The following SLC16A9 variants were observed in gnomAD, a reference collection of about 807,000 sequenced individuals.
SLC16A9 encodes solute carrier family 16 member 9, also known as monocarboxylate transporter 9.
SLC16A9 carries 26 observed loss-of-function variants against 44.3 expected under a neutral mutation model. The observed-to-expected ratio is 0.59, with a 90% CI of 0.43 to 0.81. SLC16A9 has a LOEUF of 0.81. Among genes scored for constraint, SLC16A9 ranks in the 40% least tolerant of loss-of-function variants. SLC16A9 has a pLI of 0.00. For synonymous variants in SLC16A9, 230 were observed against 225.1 expected (o/e 1.02, Z -0.19); for missense variants, 559 against 595.8 (o/e 0.94, Z 0.64).
intron 5 of SLC16A9, 148 bp downstream of exon 5, chr10:59,653,527 G>A (rs1839265837): frequency 7.2e-6 from 4 of 554,850 alleles, no homozygotes; most frequent in Admixed American, 3.5e-5. Flanking sequence ...TTATATCAAA[G>A]CAGTCTTGAA....
chr10:59,696,411 T>C (rs1840376195), intron 1 of SLC16A9, among the ~76,000 whole-genome samples: 1 of 152,224 alleles, frequency 6.6e-6, no homozygotes, highest in South Asian at 2.1e-4. Flanking sequence ...CAGTGCTCAA[T>C]GGTGCCCAGG....
chr10:59,672,375 G>A (rs1839769180), intron 3 of SLC16A9, among the ~76,000 whole-genome samples: 1 of 152,122 alleles, frequency 6.6e-6, no homozygotes, highest in African/African-American at 2.4e-5. Flanking sequence ...AGCTGTTTGT[G>A]AACACAAACA....
At chr10:59,708,156 G>C (rs933671163) in intron 1 of SLC16A9, among the ~76,000 whole-genome samples, 3 of 152,146 alleles carry the variant, frequency 2.0e-5, no homozygotes, top group Non-Finnish European at 4.4e-5. Flanking sequence ...GAGGGAGAGC[G>C]GGACTGGTTT....
chr10:59,704,070 C>T (rs760478164), intron 1 of SLC16A9, among the ~76,000 whole-genome samples: 1 of 152,168 alleles, frequency 6.6e-6, no homozygotes, highest in Non-Finnish European at 1.5e-5. Context: ...AAAATCTGAA[C>T]TTTAGGATTC....
intron 3 of SLC16A9, among the ~76,000 whole-genome samples, chr10:59,671,404 A>G (rs190966941): frequency 2.2e-4 from 33 of 152,352 alleles, no homozygotes; most frequent in East Asian, 1.9e-3. Context: ...GTAACTGTAC[A>G]CTGAGGAAAG....
intron 1 of SLC16A9, among the ~76,000 whole-genome samples, chr10:59,689,361 C>T (rs946119545): frequency 6.6e-6 from 1 of 152,134 alleles, no homozygotes; most frequent in African/African-American, 2.4e-5. Flanking sequence ...TAATGGTGCT[C>T]AACTTCCTTT....
intron 1 of SLC16A9, among the ~76,000 whole-genome samples, chr10:59,690,386 A>G (rs1840227088): frequency 6.6e-6 from 1 of 152,186 alleles, no homozygotes; most frequent in South Asian, 2.1e-4. Flanking sequence ...AGGTATGTGC[A>G]AAAGAGTACG....
chr10:59,654,466 A>G lies in SLC16A9; in HGVS notation c.560T>C (p.Leu187Pro), dbSNP rs1433481802. Residue 187 changes from leucine (L) to proline (P), a missense_variant, in exon 5 of 6, where the codon CTG becomes CCG. Physicochemically the swap from Leu to Pro is moderately conservative, Grantham distance 98 (BLOSUM62 -3). Transcript: ENST00000395348. ...LALNILACGS[L>P]MRPLQSSDCP... Reference sequence around the variant, plus strand: ...ATCAGAAGATTGGAGGGGTCTCATCAGACTGCCACAGGCTAATATATTTAA... The same window carrying G: ...ATCAGAAGATTGGAGGGGTCTCATCGGACTGCCACAGGCTAATATATTTAA... 1 of 1,613,148 alleles carries G rather than the reference A, an allele frequency of 6.2e-7. No homozygotes were observed. The highest frequency in any genetic ancestry group is 8.5e-7 in the Non-Finnish European group (1 of 1,180,036).
Position 59,698,650 on chromosome 10 carries a change from T to C in SLC16A9, c.-37+10829A>G, listed in dbSNP as rs112953150. On this transcript the variant is annotated intron_variant, in intron 1 of 5. Coordinates refer to ENST00000395348, the MANE Select transcript of SLC16A9 (RefSeq NM_194298.3). ...CAGGAGGAGCAGCTCCAAGAACCTC[T>C]GGGCAGTCAGTGCCCAGATACTTGC... Among the ~76,000 whole-genome samples, 808 of 152,054 alleles carry C rather than the reference T, an allele frequency of 5.3e-3. 3 individuals are homozygous for C. Among genetic ancestry groups the C allele is most frequent in the Non-Finnish European group, 8.7e-3 (589 of 67,996 alleles).
chr10:59,662,836 T>C (rs1217547681), intron 4 of SLC16A9, among the ~76,000 whole-genome samples: 2 of 151,774 alleles, frequency 1.3e-5, no homozygotes, highest in Admixed American at 6.6e-5. Context: ...GAAATAGGAA[T>C]GCTTTTACAC....
At chr10:59,672,420 A>G (rs1030633192) in intron 3 of SLC16A9, among the ~76,000 whole-genome samples, 1 of 152,182 alleles carries the variant, frequency 6.6e-6, no homozygotes, top group Non-Finnish European at 1.5e-5. Context: ...CCCAATAGGA[A>G]AAGGGCCACT....
chr10:59,709,387 C>T (rs1840715076), intron 1 of SLC16A9, 92 bp downstream of exon 1: 1 of 152,552 alleles, frequency 6.6e-6, no homozygotes, highest in South Asian at 2.1e-4. Flanking sequence ...TCCTACTGCT[C>T]CGAGTCGGAG....
intron 1 of SLC16A9, among the ~76,000 whole-genome samples, chr10:59,703,889 T>C (rs957516872): frequency 3.9e-5 from 6 of 152,152 alleles, no homozygotes; most frequent in Non-Finnish European, 5.9e-5. Flanking sequence ...TGGCTAATTC[T>C]TTTGGTATTT....
intron 1 of SLC16A9, among the ~76,000 whole-genome samples, chr10:59,697,974 C>CA (rs980077220): frequency 5.0e-4 from 72 of 143,136 alleles, no homozygotes; most frequent in South Asian, 1.5e-3. Context: ...AAAAAAAAAA[C>CA]AAAAAACAAA....
chr10:59,667,746 A>ACCCT, intron 3 of SLC16A9, among the ~76,000 whole-genome samples: 1 of 152,298 alleles, frequency 6.6e-6, no homozygotes, highest in South Asian at 2.1e-4. Context: ...CCTACCAGTG[A>ACCCT]AAAAATTCTG....
intron 1 of SLC16A9, among the ~76,000 whole-genome samples, chr10:59,709,018 CG>C (rs1478040850): frequency 6.6e-6 from 1 of 152,198 alleles, no homozygotes; most frequent in Non-Finnish European, 1.5e-5. Flanking sequence ...CCCAACCCTC[CG>C]GGGGCACCTG....
intron 1 of SLC16A9, among the ~76,000 whole-genome samples, chr10:59,705,888 G>A (rs558648085): frequency 6.6e-6 from 1 of 152,170 alleles, no homozygotes; most frequent in Non-Finnish European, 1.5e-5. Context: ...TAATTTCTTA[G>A]CATGACATGT....
intron 1 of SLC16A9, among the ~76,000 whole-genome samples, chr10:59,689,798 C>T (rs1332582082): frequency 6.6e-6 from 1 of 152,068 alleles, no homozygotes; most frequent in African/African-American, 2.4e-5. Context: ...CCATTTGGGA[C>T]AAAGGTAAAG....
intron 1 of SLC16A9, among the ~76,000 whole-genome samples, chr10:59,701,725 C>G (rs1375001502): frequency 6.6e-6 from 1 of 152,140 alleles, no homozygotes; most frequent in Non-Finnish European, 1.5e-5. Flanking sequence ...TCTGTGCCCC[C>G]CAACCCACAG....
Sources: allele counts gnomAD v4.1 joint callset (sites outside exome capture counted in the v4.1 genomes callset), GRCh38; gene constraint gnomAD v4.1.1; transcripts MANE v1.5; gene names NCBI Gene and HGNC (gene_info 2026-07-23, HGNC 2026-07-21).